Variants in HHLA2 observed in about 807,000 individuals in gnomAD.
HHLA2 encodes the protein HHLA2 member of B7 family.
Under a neutral mutation model 45.9 loss-of-function variants are expected in HHLA2, and 48 were observed. The ratio of observed to expected loss-of-function variants is 1.05; its 90% confidence interval spans 0.83 to 1.33. The LOEUF (loss-of-function observed/expected upper bound fraction) is 1.33. Ranked by LOEUF, HHLA2 falls within the 40% of genes most tolerant of loss-of-function variation. The pLI is 0.00. For missense variants in HHLA2, 462 were observed against 494.3 expected (o/e 0.93, Z 0.62); for synonymous variants, 161 against 173.9 (o/e 0.93, Z 0.59).
intron 4 of HHLA2, among the ~76,000 whole-genome samples, 200 bp from the exon 4 acceptor site, chr3:108,353,227 A>G (rs531245052): frequency 6.6e-6 from 1 of 152,304 alleles, no homozygotes; most frequent in East Asian, 1.9e-4. Context: ...ATTGCATAAA[A>G]CAGATATTCA....
intron 10 of HHLA2, 185 bp downstream of exon 9, chr3:108,376,742 T>C: frequency 3.9e-6 from 2 of 514,636 alleles, no homozygotes; most frequent in South Asian, 4.7e-5. Context: ...TGTCTATAAT[T>C]AAACAGGCTC....
At chr3:108,328,386 T>G (rs2081326875) in intron 3 of HHLA2, 1 of 1,362,166 alleles carries the variant, frequency 7.3e-7, no homozygotes, top group South Asian at 1.4e-5. Context: ...CAGTATTATC[T>G]GTGCAGCTAT....
At chr3:108,334,698 T>C (rs1342866815) in intron 3 of HHLA2, among the ~76,000 whole-genome samples, 1 of 152,192 alleles carries the variant, frequency 6.6e-6, no homozygotes, top group Non-Finnish European at 1.5e-5. Flanking sequence ...CACCAAGTAT[T>C]TGCAACAGAG....
At position 108,313,931 on chromosome 3, in the gene HHLA2, T is replaced by G. The variant is rs567102504; in HGVS notation, c.-105+3190T>G. On this transcript the variant is annotated intron_variant, in intron 2 of 10. Transcript: ENST00000619531. ...TGATGACTTCATCAGACCCCTCCTT[T>G]TTGTCTCCAGACCCCAACTAAGTCC... Among the ~76,000 whole-genome samples, 7 of 152,284 alleles carry G rather than the reference T, an allele frequency of 4.6e-5. 1 individual carries two copies. The highest frequency in any genetic ancestry group is 1.7e-4 in the African/African-American group (7 of 41,566).
At chr3:108,340,902 TTTTTTTTTCC>T (rs774806141) in intron 3 of HHLA2, among the ~76,000 whole-genome samples, 3,914 of 23,410 alleles carry the variant, frequency 0.17, 71 homozygotes, top group Non-Finnish European at 0.29. Context: ...TTTCTTTTTT[TTTTTTTTTCC>T]TTCCTTCCTT....
At chr3:108,375,237 C>T (rs1457372900) in intron 8 of HHLA2, among the ~76,000 whole-genome samples, 1 of 151,122 alleles carries the variant, frequency 6.6e-6, no homozygotes, top group Non-Finnish European at 1.5e-5. Flanking sequence ...GGACAAAAAA[C>T]CAAACACGGC....
chr3:108,301,833 C>T (rs2080854479), intron 1 of HHLA2, among the ~76,000 whole-genome samples: 1 of 152,146 alleles, frequency 6.6e-6, no homozygotes. Context: ...ACCTTAACTC[C>T]TCTATTGTTT....
chr3:108,323,489 A>G (rs1542402), intron 2 of HHLA2, among the ~76,000 whole-genome samples: 15,665 of 152,176 alleles, frequency 0.1, 1,542 homozygotes, highest in East Asian at 0.53. Flanking sequence ...AAACAAAATT[A>G]TAAACATGTA....
intron 1 of HHLA2, among the ~76,000 whole-genome samples, chr3:108,306,330 G>A (rs1008987565): frequency 5.3e-5 from 8 of 152,076 alleles, no homozygotes; most frequent in Admixed American, 6.6e-5. Flanking sequence ...TTTTAATATT[G>A]TTAGATTTGG....
At chr3:108,321,091 TAA>T (rs67374827) in intron 2 of HHLA2, among the ~76,000 whole-genome samples, 17,991 of 101,334 alleles carry the variant, frequency 0.18, 2,474 homozygotes, top group East Asian at 0.57. Context: ...TCCAGGTGTT[TAA>T]AAAAAAAAAA....
chr3:108,345,495 G>A (rs772677836), intron 3 of HHLA2, among the ~76,000 whole-genome samples: 57 of 152,190 alleles, frequency 3.7e-4, no homozygotes, highest in Admixed American at 3.3e-4. Context: ...CCCAATTTAC[G>A]AGCCTCCCTA....
chr3:108,365,553 G>A (rs1436913095), intron 8 of HHLA2, among the ~76,000 whole-genome samples: 2 of 152,178 alleles, frequency 1.3e-5, no homozygotes. Flanking sequence ...GTAGCTTGAT[G>A]AGAATAGCAT....
intron 3 of HHLA2, among the ~76,000 whole-genome samples, chr3:108,342,570 C>T (rs2081592739): frequency 6.6e-6 from 1 of 152,048 alleles, no homozygotes; most frequent in South Asian, 2.1e-4. Flanking sequence ...TGGCCTGGCT[C>T]CTTTTACTCA....
At chr3:108,311,348 T>G (rs1356561602) in intron 2 of HHLA2, among the ~76,000 whole-genome samples, 1 of 152,202 alleles carries the variant, frequency 6.6e-6, no homozygotes, top group Non-Finnish European at 1.5e-5. Flanking sequence ...CTTATGTTAT[T>G]TAGTGCACAG....
At chr3:108,320,854 A>C (rs763728112) in intron 2 of HHLA2, among the ~76,000 whole-genome samples, 1 of 152,080 alleles carries the variant, frequency 6.6e-6, no homozygotes, top group Non-Finnish European at 1.5e-5. Flanking sequence ...AATGCAAAGC[A>C]GGTACTAACC....
At chr3:108,344,004 C>T (rs2081619220) in intron 3 of HHLA2, among the ~76,000 whole-genome samples, 1 of 152,210 alleles carries the variant, frequency 6.6e-6, no homozygotes, top group African/African-American at 2.4e-5. Context: ...GCTTTCATTA[C>T]TTCAGTGGAA....
chr3:108,353,461 T>C (rs1280488216), exon 5 of HHLA2: 1 of 1,594,922 alleles, frequency 6.3e-7, no homozygotes, highest in Admixed American at 1.8e-5. Flanking sequence ...TTTATGTTCC[T>C]ATGAATGAAC....
chr3:108,376,722 C>A, intron 10 of HHLA2, 165 bp downstream of exon 9: 2 of 542,134 alleles, frequency 3.7e-6, no homozygotes, highest in South Asian at 2.3e-5. Flanking sequence ...TATAATTAGG[C>A]TTTTCCCAAT....
intron 2 of HHLA2, among the ~76,000 whole-genome samples, chr3:108,313,986 T>A (rs2081062829): frequency 6.6e-6 from 1 of 152,212 alleles, no homozygotes. Context: ...TATTTAATTA[T>A]CTTTGGGGAC....
Sources: gnomAD v4.1 joint callset for allele counts (sites outside exome capture counted in the v4.1 genomes callset) on GRCh38, gnomAD v4.1.1 for gene constraint, MANE v1.5 for transcripts, NCBI Gene and HGNC (gene_info 2026-07-23, HGNC 2026-07-21) for gene names.